Variants in KCNH1 observed in about 807,000 individuals in gnomAD.
KCNH1 encodes voltage-gated delayed rectifier potassium channel KCNH1.
KCNH1 carries 27 observed loss-of-function variants against 69.2 expected under a neutral mutation model. That is an observed-to-expected ratio of 0.39 (90% CI 0.29 to 0.54). The LOEUF is 0.54. Among genes scored for constraint, KCNH1 ranks in the 20% least tolerant of loss-of-function variants. KCNH1 has a pLI of 0.68. For synonymous variants in KCNH1, 456 were observed against 487.7 expected, an observed-to-expected ratio of 0.93 and a Z score of 0.86; for missense variants, 798 against 1,261.6, an observed-to-expected ratio of 0.63 and a Z score of 5.57.
At chr1:211,118,217 A>G (rs541024616) in intron 1 of KCNH1, among the ~76,000 whole-genome samples, 50 of 152,358 alleles carry the variant, frequency 3.3e-4, no homozygotes, top group Non-Finnish European at 5.6e-4. Context: ...CTATTGATGC[A>G]CACACATACC....
chr1:210,768,333 C>A (rs1683681060), intron 10 of KCNH1, among the ~76,000 whole-genome samples: 1 of 152,096 alleles, frequency 6.6e-6, no homozygotes, highest in Admixed American at 6.5e-5. Flanking sequence ...AGGTAACTGG[C>A]CTGAAGTCAC....
chr1:210,999,259 T>A (rs1233495202), intron 6 of KCNH1, among the ~76,000 whole-genome samples: 1 of 151,932 alleles, frequency 6.6e-6, no homozygotes, highest in South Asian at 2.1e-4. Context: ...AAATTGATAG[T>A]CTGCTAGCAA....
intron 9 of KCNH1, among the ~76,000 whole-genome samples, chr1:210,781,516 A>C (rs1048641023): frequency 9.9e-5 from 15 of 152,154 alleles, no homozygotes; most frequent in Admixed American, 6.5e-5. Context: ...GCTCCGAGGA[A>C]GGGGCATCCT....
intron 3 of KCNH1, among the ~76,000 whole-genome samples, chr1:211,091,689 T>C (rs1245772495): frequency 2.0e-5 from 3 of 152,118 alleles, no homozygotes; most frequent in African/African-American, 4.8e-5. Flanking sequence ...GTTCCTGAGC[T>C]AGAGTGGAGG....
At chr1:210,964,961 A>C (rs1688370837) in intron 6 of KCNH1, among the ~76,000 whole-genome samples, 1 of 152,192 alleles carries the variant, frequency 6.6e-6, no homozygotes, top group Non-Finnish European at 1.5e-5. Context: ...ACAATCAATA[A>C]ACATAATCCA....
At chr1:211,052,845 A>T (rs1430636335) in intron 5 of KCNH1, among the ~76,000 whole-genome samples, 1 of 152,186 alleles carries the variant, frequency 6.6e-6, no homozygotes, top group Non-Finnish European at 1.5e-5. Flanking sequence ...AGTTCATCAC[A>T]ACTTTAATTC....
chr1:210,732,604 G>A (rs1020996477), intron 10 of KCNH1, among the ~76,000 whole-genome samples: 1 of 152,176 alleles, frequency 6.6e-6, no homozygotes, highest in African/African-American at 2.4e-5. Context: ...CCATTGGGGT[G>A]CTACAACAAG....
intron 6 of KCNH1, among the ~76,000 whole-genome samples, chr1:210,959,224 G>C (rs1688248818): frequency 6.6e-6 from 1 of 152,174 alleles, no homozygotes. Context: ...GACCCTGTAT[G>C]CCTGAGTATC....
At chr1:210,981,748 T>C (rs1300426807) in intron 6 of KCNH1, among the ~76,000 whole-genome samples, 1 of 152,092 alleles carries the variant, frequency 6.6e-6, no homozygotes, top group Non-Finnish European at 1.5e-5. Flanking sequence ...TGTGGAGACT[T>C]TTTTTCTACA....
At chr1:210,802,864 T>C (rs1684457920) in intron 8 of KCNH1, among the ~76,000 whole-genome samples, 1 of 152,124 alleles carries the variant, frequency 6.6e-6, no homozygotes, top group Non-Finnish European at 1.5e-5. Flanking sequence ...ATGGCACGTG[T>C]ATACCTGTGT....
chr1:210,897,448 C>T (rs1367532841), intron 7 of KCNH1, among the ~76,000 whole-genome samples: 1 of 152,162 alleles, frequency 6.6e-6, no homozygotes, highest in East Asian at 1.9e-4. Context: ...TAGAGACTGC[C>T]TTCACCTCAA....
At chr1:210,827,098 G>A (rs1685048459) in intron 7 of KCNH1, among the ~76,000 whole-genome samples, 1 of 152,230 alleles carries the variant, frequency 6.6e-6, no homozygotes, top group Admixed American at 6.5e-5. Context: ...AGTATTTTGG[G>A]AGGCCGAGGC....
rs899306513 is a variant in KCNH1, at chr1:211,103,751, T to G, written c.204-149A>C. On this transcript the variant is annotated intron_variant, in intron 2 of 10. Transcript: ENST00000271751. ...AAAACAATCACTGACTCAAAAAAAT[T>G]TACTGATTCAACTGTGAATAAGACT... 12 of 568,114 alleles carry G rather than the reference T, an allele frequency of 2.1e-5. No homozygotes were observed. In the African/African-American group the frequency reaches 2.3e-4, roughly 11 times the overall value. 35.2% of individuals were successfully genotyped at this position (568,114 alleles called of 1,614,324 possible).
At chr1:210,969,971 A>T (rs1185251062) in intron 6 of KCNH1, among the ~76,000 whole-genome samples, 1 of 152,076 alleles carries the variant, frequency 6.6e-6, no homozygotes, top group African/African-American at 2.4e-5. Context: ...ATATCTGCCC[A>T]TTGCAGCCTC....
chr1:210,795,850 T>C (rs1056587120), intron 9 of KCNH1, among the ~76,000 whole-genome samples: 15 of 151,906 alleles, frequency 9.9e-5, no homozygotes, highest in African/African-American at 1.9e-4. Context: ...AGGCTGGGTG[T>C]GGTGGCTCAT....
chr1:211,066,598 A>T (rs1690534438), intron 5 of KCNH1, among the ~76,000 whole-genome samples: 1 of 152,196 alleles, frequency 6.6e-6, no homozygotes, highest in African/African-American at 2.4e-5. Flanking sequence ...CTCAACCTGT[A>T]TATGCCATAG....
chr1:211,042,936 CA>C (rs1464884070), intron 5 of KCNH1, among the ~76,000 whole-genome samples: 1 of 152,098 alleles, frequency 6.6e-6, no homozygotes, highest in Non-Finnish European at 1.5e-5. Context: ...CACAATCTAT[CA>C]AAACCTGTGG....
chr1:210,960,606 G>A (rs78535924), intron 6 of KCNH1, among the ~76,000 whole-genome samples: 5,764 of 152,206 alleles, frequency 0.038, 220 homozygotes, highest in South Asian at 0.12. Flanking sequence ...TCATTCCTTT[G>A]TATTGCTGAG....
Position 210,840,070 on chromosome 1 carries a change from C to T in KCNH1, c.1463-35904G>A, listed in dbSNP as rs1348419666. 2.0e-5 allele frequency among the ~76,000 whole-genome samples: 3 copies of T among 152,128 alleles called. No individual in the cohort carries two copies. The South Asian group carries it at 6.2e-4, about 32-fold the overall frequency. ...TCTGAAATGTTTCTCCAGGAAATAC[C>T]TGATCATGTATTTAATTTTCTCAGT... On this transcript the variant is annotated intron_variant, in intron 7 of 10. Coordinates refer to ENST00000271751, the MANE Select transcript of KCNH1 (RefSeq NM_172362.3).
Sources: gnomAD v4.1 joint callset for allele counts (sites outside exome capture counted in the v4.1 genomes callset) on GRCh38, gnomAD v4.1.1 for gene constraint, MANE v1.5 for transcripts, NCBI Gene and HGNC (gene_info 2026-07-23, HGNC 2026-07-21) for gene names.